LAMC3: variants seen among roughly 807,000 people sequenced by gnomAD.
LAMC3 encodes the protein laminin subunit gamma 3, also known as laminin subunit gamma-3.
A neutral mutation model predicts 173.8 loss-of-function variants in LAMC3; 128 were observed. That is an observed-to-expected ratio of 0.74 (90% CI 0.64 to 0.85). LAMC3 has a LOEUF of 0.85. Ranked by LOEUF, LAMC3 falls within the 40% of genes least tolerant of loss-of-function variation. LAMC3 has a pLI of 0.00. For missense variants in LAMC3, 2,022 were observed against 2,156.0 expected, an observed-to-expected ratio of 0.94 and a Z score of 1.23; for synonymous variants, 897 against 909.1, an observed-to-expected ratio of 0.99 and a Z score of 0.24.
chr9:131,085,560 C>T lies in LAMC3; in HGVS notation c.4067C>T (p.Ala1356Val), dbSNP rs778654607. 8.7e-6 allele frequency: 14 copies of T among 1,613,918 alleles called. No homozygotes were observed. Among genetic ancestry groups the T allele is most frequent in the African/African-American group, 2.7e-5 (2 of 74,918 alleles). Residue 1356 changes from alanine (A) to valine (V), a missense_variant, in exon 25 of 28, where the codon GCG (alanine) becomes GTG (valine). Coordinates refer to ENST00000361069, the MANE Select transcript of LAMC3 (RefSeq NM_006059.4). ...CAGTTTCCCCGGCCCAAGGACCAGG[C>T]GGCATTGCAGAGGAAGGCAGACTCC... ...KLQFPRPKDQ[A>V]ALQRKADSVS...
chr9:131,014,300 G>T lies in LAMC3; in HGVS notation c.373+4713G>T, dbSNP rs569994228. 3.9e-5 allele frequency among the ~76,000 whole-genome samples: 6 copies of T among 152,286 alleles called. No individual in the cohort carries two copies. In the East Asian group the frequency reaches 1.2e-3, roughly 29 times the overall value. ...ACATGTGCTGTGGCTTCGGCCCAGC[G>T]CACTTCTCCTCCCACCTTCAGCCTA... On this transcript the variant is annotated intron_variant, in intron 1 of 27. Coordinates refer to ENST00000361069, the MANE Select transcript of LAMC3 (RefSeq NM_006059.4).
At chr9:131,071,368 G>T in intron 17 of LAMC3, 116 bp from the exon 18 acceptor site, 1 of 1,222,948 alleles carries the variant, frequency 8.2e-7, no homozygotes, top group South Asian at 1.3e-5. Flanking sequence ...AGGCCCAGGG[G>T]AGGATTTGGA....
chr9:131,022,542 A>G (rs1223125767), intron 1 of LAMC3, among the ~76,000 whole-genome samples: 1 of 151,576 alleles, frequency 6.6e-6, no homozygotes, highest in East Asian at 1.9e-4. Flanking sequence ...ACCACAATCA[A>G]TTTTAGAATA....
Position 131,082,136 on chromosome 9 carries a change from C to T in LAMC3, c.4005C>T (p.Ala1335=). ...CTGCGACAGTGACTGTCATGGGAGC[C>T]AGGACTCTGCTGGCTGATCTGGAAG... The part of the protein sequence containing the change: ...VQAATVTVMG[A]RTLLADLEGM... The change falls in exon 24 of 28, where the codon GCC becomes GCT. Residue 1335 remains alanine (A), a synonymous_variant. Coordinates refer to ENST00000361069, the MANE Select transcript of LAMC3 (RefSeq NM_006059.4). 1.9e-6 allele frequency: 3 copies of T among 1,613,714 alleles called. No individual in the cohort carries two copies. The highest frequency in any genetic ancestry group is 2.5e-6 in the Non-Finnish European group (3 of 1,179,830).
chr9:131,061,128 A>G lies in LAMC3; in HGVS notation c.2252A>G (p.Asp751Gly). The change falls in exon 13 of 28, where the codon GAC (aspartate) becomes GGC (glycine). Residue 751 changes from aspartate (D) to glycine (G), a missense_variant. Transcript: ENST00000361069. ...YGNPFAGQAD[D>G]CQPCPCPGQS... is the part of the protein sequence containing the mutation. ...AACCCTTTCGCGGGCCAAGCCGACG[A>G]CTGCCAGCCCTGTCCCTGCCCTGGC... 1 of 1,613,750 alleles carries G rather than the reference A, an allele frequency of 6.2e-7. No homozygotes were observed. The highest frequency in any genetic ancestry group is 8.5e-7 in the Non-Finnish European group (1 of 1,180,010).
intron 17 of LAMC3, among the ~76,000 whole-genome samples, chr9:131,070,603 C>T (rs949205851): frequency 6.6e-6 from 1 of 151,840 alleles, no homozygotes; most frequent in Non-Finnish European, 1.5e-5. Context: ...CCCAGCTACT[C>T]GGGAGGCTGA....
At chr9:131,087,859 T>C in intron 27 of LAMC3, 42 bp downstream of exon 27, 1 of 1,497,694 alleles carries the variant, frequency 6.7e-7, no homozygotes, top group Middle Eastern at 1.7e-4. Context: ...CCTGGGTCCC[T>C]GGGGCACCTC....
At chr9:131,016,377 A>ACAT (rs1833519925) in intron 1 of LAMC3, among the ~76,000 whole-genome samples, 1 of 152,184 alleles carries the variant, frequency 6.6e-6, no homozygotes, top group African/African-American at 2.4e-5. Context: ...TAAGATGGTA[A>ACAT]ATGTCATGTT....
intron 11 of LAMC3, 39 bp from the exon 12 acceptor site, chr9:131,056,890 T>C (rs1160160188): frequency 6.5e-7 from 1 of 1,534,710 alleles, no homozygotes; most frequent in South Asian, 1.1e-5. Context: ...GCAGGGAGCT[T>C]GTGCCTCCTC....
rs377467260 is a variant in LAMC3, at chr9:131,071,638, C to T, written c.3211+13C>T. ...CACCTGCTTCCAGGTACAGCAGGAG[C>T]GCAGAGCGGGAGGGTGGGAGGCAAG... On this transcript the variant is annotated intron_variant, in intron 18 of 27. Coordinates refer to ENST00000361069, the MANE Select transcript of LAMC3 (RefSeq NM_006059.4). 36 of 1,558,198 alleles carry T rather than the reference C, an allele frequency of 2.3e-5. No individual in the cohort carries two copies. The highest frequency in any genetic ancestry group is 9.5e-5 in the African/African-American group (7 of 74,022).
intron 14 of LAMC3, among the ~76,000 whole-genome samples, chr9:131,067,698 C>T (rs951730842): frequency 3.3e-5 from 5 of 152,202 alleles, no homozygotes; most frequent in East Asian, 1.9e-4. Flanking sequence ...CAGGAAACAC[C>T]GCTCTGGCCC....
At chr9:131,056,076 G>A (rs752339131) in intron 11 of LAMC3, among the ~76,000 whole-genome samples, 2 of 152,010 alleles carry the variant, frequency 1.3e-5, no homozygotes, top group Non-Finnish European at 2.9e-5. Context: ...CACACCTTTG[G>A]TCTCAGCTAC....
intron 7 of LAMC3, among the ~76,000 whole-genome samples, chr9:131,044,456 G>A (rs899029130): frequency 3.9e-5 from 6 of 152,164 alleles, no homozygotes; most frequent in Non-Finnish European, 8.8e-5. Flanking sequence ...GTTACAGTGA[G>A]CTGAAATCGT....
chr9:131,075,097 G>A (rs940661504), intron 20 of LAMC3, among the ~76,000 whole-genome samples: 37 of 151,802 alleles, frequency 2.4e-4, no homozygotes, highest in African/African-American at 6.1e-4. Context: ...AACCCCCATC[G>A]CTACAAAAAT....
intron 1 of LAMC3, among the ~76,000 whole-genome samples, chr9:131,016,791 AAAAG>A (rs1448979721): frequency 2.6e-5 from 4 of 152,226 alleles, no homozygotes; most frequent in Non-Finnish European, 4.4e-5. Context: ...AGTAGGCAAA[AAAAG>A]AAAGACATCA....
intron 6 of LAMC3, among the ~76,000 whole-genome samples, chr9:131,040,686 C>T (rs1028162988): frequency 2.6e-5 from 4 of 152,124 alleles, no homozygotes; most frequent in Non-Finnish European, 4.4e-5. Context: ...TGCCACACCT[C>T]CCACCCCTGC....
In LAMC3 at chr9:131,091,969, C is replaced by G. The variant is rs980430042; in HGVS notation, c.*182C>G. On this transcript the variant is annotated 3_prime_UTR_variant, in exon 28 of 28. Coordinates refer to ENST00000361069, the MANE Select transcript of LAMC3 (RefSeq NM_006059.4). ...TGTGGCTTCTTCCCTGCCAGCAGGA[C>G]TGAGTGTGCGTACCCAGTTCACCTG... 4.9e-5 allele frequency: 36 copies of G among 730,354 alleles called. No individual in the cohort carries two copies. The highest frequency in any genetic ancestry group is 7.7e-5 in the Non-Finnish European group (34 of 442,100). The allele number at this position is 730,354 out of a possible 1,614,324, so 45.2% of individuals were successfully genotyped here.
At chr9:131,023,515 C>T (rs1564364814) in intron 1 of LAMC3, among the ~76,000 whole-genome samples, 1 of 152,216 alleles carries the variant, frequency 6.6e-6, no homozygotes. Context: ...CTTGCATTTC[C>T]CTGCTGGCCA....
At chr9:131,075,808 C>A (rs1487554594) in intron 20 of LAMC3, 23 bp from the exon 21 acceptor site, 3 of 1,604,078 alleles carry the variant, frequency 1.9e-6, no homozygotes, top group Admixed American at 3.4e-5. Flanking sequence ...CTTGGTAATG[C>A]TCAGGTGGGT....
Sources: allele counts gnomAD v4.1 joint callset (sites outside exome capture counted in the v4.1 genomes callset), GRCh38; gene constraint gnomAD v4.1.1; transcripts MANE v1.5; gene names NCBI Gene and HGNC (gene_info 2026-07-23, HGNC 2026-07-21).